The following OTOGL variants were observed in gnomAD, a reference collection of about 807,000 sequenced individuals.
OTOGL encodes otogelin like, also known as otogelin-like protein.
Under a neutral mutation model 318.5 loss-of-function variants are expected in OTOGL, and 285 were observed. The ratio of observed to expected loss-of-function variants is 0.89; its 90% confidence interval spans 0.81 to 0.99. OTOGL has a LOEUF of 0.99. Among genes scored for constraint, OTOGL ranks in the 50% least tolerant of loss-of-function variants. The probability of loss-of-function intolerance (pLI) is 0.00; values close to 1 mark genes in which losing one functional copy is unlikely to be tolerated. For missense variants in OTOGL, 2,899 were observed against 2,845.6 expected (o/e 1.02, Z -0.43); for synonymous variants, 987 against 936.5 (o/e 1.05, Z -0.99).
At chr12:80,221,326 G>A (rs929503018) in intron 6 of OTOGL, among the ~76,000 whole-genome samples, 8 of 150,666 alleles carry the variant, frequency 5.3e-5, no homozygotes, top group Non-Finnish European at 8.8e-5. Flanking sequence ...GTACAGTGGC[G>A]CAATCTTGGC....
At chr12:80,256,490 T>C (rs761445110) in intron 17 of OTOGL, 30 bp downstream of exon 17, 1 of 1,318,430 alleles carries the variant, frequency 7.6e-7, no homozygotes, top group Admixed American at 2.9e-5. Flanking sequence ...GTGTACTTTC[T>C]TTACATCAAA....
At chr12:80,221,311 C>T (rs1297252312) in intron 6 of OTOGL, among the ~76,000 whole-genome samples, 2 of 147,300 alleles carry the variant, frequency 1.4e-5, no homozygotes, top group East Asian at 4.0e-4. Context: ...GTCACCAAGG[C>T]TGGAGTACAG....
At chr12:80,269,711 C>T (rs916408534) in intron 22 of OTOGL, among the ~76,000 whole-genome samples, 2 of 152,160 alleles carry the variant, frequency 1.3e-5, no homozygotes, top group African/African-American at 2.4e-5. Context: ...ATGTTGGTTG[C>T]CAACAGATTT....
chr12:80,135,436 C>G (rs1031208803), intron 1 of OTOGL, among the ~76,000 whole-genome samples: 3 of 151,846 alleles, frequency 2.0e-5, no homozygotes, highest in Admixed American at 2.0e-4. Context: ...CCATGCCTGG[C>G]TAATTTTTGT....
chr12:80,200,379 T>C (rs1309892226), intron 1 of OTOGL, among the ~76,000 whole-genome samples: 1 of 152,234 alleles, frequency 6.6e-6, no homozygotes, highest in Non-Finnish European at 1.5e-5. Flanking sequence ...GTTCCACTTT[T>C]CTCTATGAAG....
At chr12:80,369,569 A>G (rs1423249428) in intron 55 of OTOGL, among the ~76,000 whole-genome samples, 1 of 152,080 alleles carries the variant, frequency 6.6e-6, no homozygotes, top group Non-Finnish European at 1.5e-5. Context: ...GAGTGGCAAT[A>G]AAAAGCCTTA....
intron 24 of OTOGL, among the ~76,000 whole-genome samples, chr12:80,276,801 T>A (rs1883841732): frequency 6.6e-6 from 1 of 151,608 alleles, no homozygotes; most frequent in Non-Finnish European, 1.5e-5. Flanking sequence ...ACATATTGTG[T>A]GACATGAACA....
At chr12:80,313,757 A>G in intron 31 of OTOGL, 125 bp downstream of exon 31, 1 of 744,094 alleles carries the variant, frequency 1.3e-6, no homozygotes, top group Non-Finnish European at 2.0e-6. Flanking sequence ...AAATGACTAA[A>G]TTTTATATTC....
At chr12:80,137,065 A>C (rs1429381817) in intron 1 of OTOGL, among the ~76,000 whole-genome samples, 1 of 152,184 alleles carries the variant, frequency 6.6e-6, no homozygotes, top group East Asian at 1.9e-4. Context: ...CAGAAACGAG[A>C]TTTTACTAAT....
chr12:80,306,141 C>A (rs767966629), intron 29 of OTOGL, among the ~76,000 whole-genome samples: 3 of 152,074 alleles, frequency 2.0e-5, no homozygotes, highest in Non-Finnish European at 2.9e-5. Flanking sequence ...AAGGGAGACA[C>A]GTGTATATGT....
intron 24 of OTOGL, among the ~76,000 whole-genome samples, chr12:80,274,885 G>C (rs1379914933): frequency 6.6e-6 from 1 of 151,956 alleles, no homozygotes; most frequent in Non-Finnish European, 1.5e-5. Flanking sequence ...TCTGTTTACA[G>C]CATGGTTTAC....
chr12:80,256,033 A>G (rs1008150796), intron 16 of OTOGL, among the ~76,000 whole-genome samples: 19 of 151,982 alleles, frequency 1.3e-4, no homozygotes, highest in African/African-American at 4.3e-4. Flanking sequence ...TACTTTACTG[A>G]AAGACTTTAA....
At chr12:80,162,835 G>A (rs184685810) in intron 1 of OTOGL, among the ~76,000 whole-genome samples, 19 of 152,034 alleles carry the variant, frequency 1.2e-4, no homozygotes, top group South Asian at 2.1e-4. Context: ...TTCTTGTGGG[G>A]GGTGGGGTGG....
intron 1 of OTOGL, among the ~76,000 whole-genome samples, chr12:80,170,962 G>GA (rs1874168724): frequency 6.6e-6 from 1 of 152,150 alleles, no homozygotes; most frequent in Admixed American, 6.5e-5. Context: ...AATGCATGGA[G>GA]ATTTTCTCTC....
At chr12:80,340,760 C>G (rs1451208748) in intron 43 of OTOGL, among the ~76,000 whole-genome samples, 1 of 152,140 alleles carries the variant, frequency 6.6e-6, no homozygotes, top group African/African-American at 2.4e-5. Context: ...GTTATCCAAA[C>G]AGGGTCTGAA....
At chr12:80,289,787 G>A (rs1404227677) in intron 26 of OTOGL, among the ~76,000 whole-genome samples, 3 of 152,170 alleles carry the variant, frequency 2.0e-5, no homozygotes, top group African/African-American at 7.2e-5. Flanking sequence ...AGACTGCTGT[G>A]CTGGCAGCGA....
intron 32 of OTOGL, among the ~76,000 whole-genome samples, chr12:80,317,605 G>T (rs1417729448): frequency 6.6e-6 from 1 of 152,010 alleles, no homozygotes; most frequent in Non-Finnish European, 1.5e-5. Context: ...CTTATTATTT[G>T]TATATTATTC....
Position 80,253,512 on chromosome 12 carries a change from A to G in OTOGL, c.1332A>G (p.Pro444=). The change falls in exon 14 of 59, where the codon CCA becomes CCG. Residue 444 remains proline, a synonymous_variant. Coordinates refer to ENST00000547103, the MANE Select transcript of OTOGL (RefSeq NM_001378609.3). ...NGTCISLENC[P]CGFHGLAYSV... ...CTTGCATCTCCTTGGAAAATTGCCC[A>G]TGCGGTTTTCATGGATTAGCTTATT... 1.2e-6 allele frequency: 2 copies of G among 1,613,406 alleles called. No homozygotes were observed. The highest frequency in any genetic ancestry group is 1.7e-6 in the Non-Finnish European group (2 of 1,179,452).
intron 29 of OTOGL, among the ~76,000 whole-genome samples, chr12:80,308,874 G>A (rs559777725): frequency 6.6e-6 from 1 of 152,308 alleles, no homozygotes; most frequent in Non-Finnish European, 1.5e-5. Flanking sequence ...AGCTGAGGCA[G>A]GAGAATCAGG....
Sources: allele counts gnomAD v4.1 joint callset (sites outside exome capture counted in the v4.1 genomes callset), GRCh38; gene constraint gnomAD v4.1.1; transcripts MANE v1.5; gene names NCBI Gene and HGNC (gene_info 2026-07-23, HGNC 2026-07-21).